Variants in HP1BP3 observed in about 807,000 individuals in gnomAD.
HP1BP3 encodes heterochromatin protein 1 binding protein 3, also known as heterochromatin protein 1-binding protein 3.
HP1BP3 carries 12 observed loss-of-function variants against 62.5 expected under a neutral mutation model. The observed-to-expected ratio is 0.19, with a 90% confidence interval of 0.12 to 0.31. HP1BP3 has a LOEUF of 0.31. Among genes scored for constraint, HP1BP3 ranks in the 10% least tolerant of loss-of-function variants. The probability of loss-of-function intolerance (pLI) is 1.00; values close to 1 mark genes in which losing one functional copy is unlikely to be tolerated. For missense variants in HP1BP3, 502 were observed against 651.8 expected (o/e 0.77, Z 2.50); for synonymous variants, 260 against 237.8 (o/e 1.09, Z -0.86).
chr1:20,747,436 G>T, intron 11 of HP1BP3, 108 bp downstream of exon 11: 4 of 707,932 alleles, frequency 5.7e-6, no homozygotes, highest in South Asian at 2.0e-5. Context: ...AACAAAGGAC[G>T]ACTGTATTTC....
chr1:20,750,674 T>C (rs889136293), intron 9 of HP1BP3, among the ~76,000 whole-genome samples: 2 of 152,116 alleles, frequency 1.3e-5, no homozygotes, highest in Non-Finnish European at 2.9e-5. Context: ...ATGTGGATTT[T>C]CTTCTGCCTC....
At chr1:20,768,445 CA>C (rs1172323436) in intron 6 of HP1BP3, among the ~76,000 whole-genome samples, 3 of 152,056 alleles carry the variant, frequency 2.0e-5, no homozygotes, top group African/African-American at 7.2e-5. Flanking sequence ...TACTCCGTCT[CA>C]AAAAACAAAC....
chr1:20,773,721 A>G (rs1436511975), intron 4 of HP1BP3, 111 bp from the exon 5 acceptor site: 2 of 737,968 alleles, frequency 2.7e-6, no homozygotes, highest in Admixed American at 3.7e-5. Context: ...TAATTTATTT[A>G]CAGGCTAAGA....
At chr1:20,775,893 T>G in intron 4 of HP1BP3, 3 of 1,417,058 alleles carry the variant, frequency 2.1e-6, no homozygotes, top group East Asian at 5.1e-5. Context: ...CGCCTAAAGA[T>G]GTATCTCTCA....
At position 20,779,720 on chromosome 1, in the gene HP1BP3, A is replaced by AC. The variant is rs71987994; in HGVS notation, c.196+91_196+92insG. On this transcript the variant is annotated intron_variant, in intron 3 of 12. Coordinates refer to ENST00000438032, the MANE Select transcript of HP1BP3 (RefSeq NM_001372052.1). ...CAAAACACTTAGCCATGAAAAAAAA[A>AC]AAAAAACAATTAAGTTCAAAGGAAT... 1.3e-3 allele frequency: 1,093 copies of AC among 820,326 alleles called. 11 individuals carry two copies. The African/African-American group carries it at 0.018, about 13-fold the overall frequency. 50.8% of individuals were successfully genotyped at this position (820,326 alleles called of 1,614,324 possible).
intron 1 of HP1BP3, among the ~76,000 whole-genome samples, chr1:20,784,094 C>T (rs1327248796): frequency 6.6e-6 from 1 of 152,124 alleles, no homozygotes; most frequent in Non-Finnish European, 1.5e-5. Context: ...CTTAGTCTCC[C>T]TAGTAGCTGG....
At chr1:20,770,344 A>G (rs1041905828) in intron 6 of HP1BP3, among the ~76,000 whole-genome samples, 1 of 152,160 alleles carries the variant, frequency 6.6e-6, no homozygotes, top group Non-Finnish European at 1.5e-5. Context: ...TTGTTTTCAG[A>G]CAGGGTCTCA....
At chr1:20,781,293 A>G (rs1212960477) in intron 1 of HP1BP3, among the ~76,000 whole-genome samples, 2 of 152,222 alleles carry the variant, frequency 1.3e-5, no homozygotes, top group African/African-American at 4.8e-5. Context: ...CCACTTAAGT[A>G]TCTAGATCTC....
chr1:20,767,815 T>G (rs2056859322), intron 6 of HP1BP3, 151 bp from the exon 7 acceptor site: 2 of 600,304 alleles, frequency 3.3e-6, no homozygotes, highest in African/African-American at 3.7e-5. Flanking sequence ...GTCAAAAGAC[T>G]TCAGATGAAA....
Position 20,757,263 on chromosome 1 carries a change from AG to A in HP1BP3, c.891-8del. On this transcript the variant is annotated splice_region_variant and splice_polypyrimidine_tract_variant and intron_variant, in intron 8 of 12. Coordinates refer to ENST00000438032, the MANE Select transcript of HP1BP3 (RefSeq NM_001372052.1). Reference sequence around the variant, plus strand: ...GTTCTTCAACAGCTGAGGCCTGCAAAGAAAAACAAAAAAAAAATAGTGATAA... The same window carrying A: ...GTTCTTCAACAGCTGAGGCCTGCAAAAAAAACAAAAAAAAAATAGTGATAA... 6.3e-7 allele frequency: 1 copy of A among 1,576,938 alleles called. No homozygotes were observed. The highest frequency in any genetic ancestry group is 1.9e-5 in the Admixed American group (1 of 53,532).
chr1:20,759,823 T>C (rs565221508), intron 8 of HP1BP3, among the ~76,000 whole-genome samples: 62 of 149,658 alleles, frequency 4.1e-4, no homozygotes, highest in East Asian at 3.7e-3. Context: ...TGAAGAGGAG[T>C]AGCTTAGGTC....
At chr1:20,764,929 G>A (rs577538724) in intron 8 of HP1BP3, among the ~76,000 whole-genome samples, 21 of 151,050 alleles carry the variant, frequency 1.4e-4, no homozygotes, top group African/African-American at 5.1e-4. Flanking sequence ...AGCACTTTGG[G>A]AGGCCGAGGC....
intron 1 of HP1BP3, among the ~76,000 whole-genome samples, chr1:20,781,341 AG>A (rs1335150385): frequency 3.3e-5 from 5 of 152,256 alleles, no homozygotes; most frequent in African/African-American, 9.6e-5. Context: ...AGGGAATGAC[AG>A]TCATGCAACT....
In HP1BP3 at chr1:20,779,790, CTG is replaced by C; in HGVS notation, c.196+20_196+21del. ...GCAGTATAACTTTTGATGTTTTAAG[CTG>C]TGTCACCATTTTACTTTACCTGGCT... is the stretch of plus-strand genomic sequence containing the variant. On this transcript the variant is annotated intron_variant, in intron 3 of 12. Coordinates refer to ENST00000438032, the MANE Select transcript of HP1BP3 (RefSeq NM_001372052.1). 1 of 1,521,224 alleles carries C rather than the reference CTG, an allele frequency of 6.6e-7. No homozygotes were observed. Among genetic ancestry groups the C allele is most frequent in the African/African-American group, 1.4e-5 (1 of 72,728 alleles). The allele number at this position is 1,521,224 out of a possible 1,614,324, so 94.2% of individuals were successfully genotyped here.
chr1:20,785,561 T>C (rs963140447), intron 1 of HP1BP3, among the ~76,000 whole-genome samples: 1 of 152,242 alleles, frequency 6.6e-6, no homozygotes, highest in African/African-American at 2.4e-5. Context: ...TTTTCAAATG[T>C]AAGTTATATA....
Position 20,770,956 on chromosome 1 carries a change from C to G in HP1BP3, c.628G>C (p.Glu210Gln). The G allele has an allele frequency of 1.2e-6, 2 of 1,605,492 alleles. No individual in the cohort carries two copies. The highest frequency in any genetic ancestry group is 2.7e-5 in the African/African-American group (2 of 74,518). Reference sequence around the variant, plus strand: ...TGTTTGATGACTCCTCTATTTAATTCTCTTTTCAGTGCTTGTTTAAGGAGA... The same window carrying G: ...TGTTTGATGACTCCTCTATTTAATTGTCTTTTCAGTGCTTGTTTAAGGAGA... ...GYLLKQALKR[E>Q]LNRGVIKQVK... Residue 210 changes from glutamate (E) to glutamine (Q), a missense_variant, in exon 6 of 13, where the codon GAA (glutamate) becomes CAA (glutamine). Transcript: ENST00000438032.
intron 5 of HP1BP3, among the ~76,000 whole-genome samples, chr1:20,772,897 A>G (rs1171824886): frequency 1.6e-4 from 24 of 152,240 alleles, no homozygotes; most frequent in Admixed American, 1.6e-3. Flanking sequence ...AAGGAGGATA[A>G]TTTTTGTAAG....
intron 1 of HP1BP3, among the ~76,000 whole-genome samples, chr1:20,782,714 G>C (rs2057619282): frequency 6.6e-6 from 1 of 151,306 alleles, no homozygotes; most frequent in African/African-American, 2.4e-5. Flanking sequence ...AGCCTGGCCA[G>C]TATGGTGAAA....
At chr1:20,754,109 C>G (rs1570575158) in intron 9 of HP1BP3, among the ~76,000 whole-genome samples, 2 of 152,134 alleles carry the variant, frequency 1.3e-5, no homozygotes, top group East Asian at 1.9e-4. Context: ...ATGTAGAAAA[C>G]TGTAAGGAAT....
Sources: gnomAD v4.1 joint callset for allele counts (sites outside exome capture counted in the v4.1 genomes callset) on GRCh38, gnomAD v4.1.1 for gene constraint, MANE v1.5 for transcripts, NCBI Gene and HGNC (gene_info 2026-07-23, HGNC 2026-07-21) for gene names.